Variants in AKAP6 observed in about 807,000 individuals in gnomAD.
AKAP6 encodes A-kinase anchoring protein 6, also known as A-kinase anchor protein 6.
AKAP6 carries 58 observed loss-of-function variants against 188.5 expected under a neutral mutation model. The observed-to-expected ratio is 0.31, with a 90% CI of 0.25 to 0.38. The LOEUF (loss-of-function observed/expected upper bound fraction) is 0.38, where lower values mean the gene tolerates loss of function less well. Among genes scored for constraint, AKAP6 ranks in the 10% least tolerant of loss-of-function variants. AKAP6 has a pLI of 1.00. For missense variants in AKAP6, 2,710 were observed against 2,740.0 expected (o/e 0.99, Z 0.24); for synonymous variants, 989 against 998.6 (o/e 0.99, Z 0.18).
At chr14:32,472,895 A>G (rs924468006) in intron 2 of AKAP6, among the ~76,000 whole-genome samples, 24 of 94,612 alleles carry the variant, frequency 2.5e-4, no homozygotes, top group South Asian at 1.5e-3. Context: ...GTATTAAAGG[A>G]AAAAAAAAGA....
intron 1 of AKAP6, among the ~76,000 whole-genome samples, chr14:32,432,393 C>A (rs890493552): frequency 6.6e-6 from 1 of 152,024 alleles, no homozygotes; most frequent in African/African-American, 2.4e-5. Flanking sequence ...TCTTAAAATG[C>A]CACCTTACTT....
At chr14:32,667,827 T>C (rs1422418916) in intron 7 of AKAP6, among the ~76,000 whole-genome samples, 1 of 152,140 alleles carries the variant, frequency 6.6e-6, no homozygotes, top group Non-Finnish European at 1.5e-5. Flanking sequence ...TGCTTCATTC[T>C]TTTCTCTCTA....
chr14:32,822,166 T>C lies in AKAP6; in HGVS notation c.4353T>C (p.Pro1451=). The C allele has an allele frequency of 1.2e-6, 2 of 1,613,852 alleles. No homozygotes were observed. The highest frequency in any genetic ancestry group is 1.7e-6 in the Non-Finnish European group (2 of 1,179,874). ...GDLNSITKHT[P]DCLGEELQGK... ...TAAACAGTATTACCAAACATACCCCTGACTGTTTGGGAGAAGAATTACAAG... is the reference window on the plus strand; with the variant it reads ...TAAACAGTATTACCAAACATACCCCCGACTGTTTGGGAGAAGAATTACAAG... Residue 1451 remains proline, a synonymous_variant, in exon 13 of 14, where the codon CCT becomes CCC. Coordinates refer to ENST00000280979, the MANE Select transcript of AKAP6 (RefSeq NM_004274.5).
At chr14:32,663,975 A>C (rs186489620) in intron 7 of AKAP6, among the ~76,000 whole-genome samples, 2 of 152,228 alleles carry the variant, frequency 1.3e-5, no homozygotes, top group East Asian at 3.9e-4. Context: ...ACCTTTTTAT[A>C]ATTAGTCTTT....
intron 1 of AKAP6, among the ~76,000 whole-genome samples, chr14:32,369,526 C>CTT (rs1467047228): frequency 1.3e-5 from 2 of 152,318 alleles, no homozygotes; most frequent in African/African-American, 4.8e-5. Context: ...CCTGACACAA[C>CTT]TTATTCACAG....
chr14:32,802,892 G>GT (rs1212196734), intron 12 of AKAP6, among the ~76,000 whole-genome samples: 1 of 152,168 alleles, frequency 6.6e-6, no homozygotes, highest in Non-Finnish European at 1.5e-5. Context: ...GAGGTCAGTA[G>GT]TTCAAGACCA....
At chr14:32,637,456 G>A (rs959108482) in intron 7 of AKAP6, among the ~76,000 whole-genome samples, 1 of 152,048 alleles carries the variant, frequency 6.6e-6, no homozygotes, top group Non-Finnish European at 1.5e-5. Flanking sequence ...AAGGGAAGGA[G>A]GAAAATAATA....
At chr14:32,718,477 A>G (rs575634863) in intron 9 of AKAP6, among the ~76,000 whole-genome samples, 2 of 152,300 alleles carry the variant, frequency 1.3e-5, no homozygotes, top group East Asian at 1.9e-4. Flanking sequence ...TATCGGAACT[A>G]AAAATTAGAC....
intron 1 of AKAP6, among the ~76,000 whole-genome samples, chr14:32,359,869 C>T (rs1459040490): frequency 6.6e-6 from 1 of 152,114 alleles, no homozygotes; most frequent in Non-Finnish European, 1.5e-5. Context: ...AATAGCCATA[C>T]AACATATTAC....
intron 7 of AKAP6, among the ~76,000 whole-genome samples, chr14:32,661,264 A>G (rs1488231518): frequency 6.6e-6 from 1 of 152,052 alleles, no homozygotes; most frequent in Non-Finnish European, 1.5e-5. Context: ...AATCGTGATA[A>G]TTGTATAATA....
intron 7 of AKAP6, among the ~76,000 whole-genome samples, chr14:32,635,276 A>G (rs1887437425): frequency 6.6e-6 from 1 of 152,110 alleles, no homozygotes; most frequent in Non-Finnish European, 1.5e-5. Context: ...TGTGAAGAAC[A>G]GGGAATTACG....
At chr14:32,608,821 AAATAT>A (rs1886235304) in intron 7 of AKAP6, among the ~76,000 whole-genome samples, 1 of 152,234 alleles carries the variant, frequency 6.6e-6, no homozygotes, top group Non-Finnish European at 1.5e-5. Flanking sequence ...GATCAATTTT[AAATAT>A]AATATAGAGT....
At chr14:32,572,450 TG>T (rs1884535369) in intron 4 of AKAP6, among the ~76,000 whole-genome samples, 2 of 152,258 alleles carry the variant, frequency 1.3e-5, no homozygotes, top group African/African-American at 4.8e-5. Flanking sequence ...GGCTGTTCCC[TG>T]GCCCCATATA....
At chr14:32,515,016 A>G (rs1367858459) in intron 2 of AKAP6, among the ~76,000 whole-genome samples, 2 of 152,152 alleles carry the variant, frequency 1.3e-5, no homozygotes, top group East Asian at 3.9e-4. Context: ...GGAGTCCTAG[A>G]ATGTATTAGT....
chr14:32,446,683 G>A (rs541136097), intron 2 of AKAP6, among the ~76,000 whole-genome samples: 6 of 151,080 alleles, frequency 4.0e-5, no homozygotes, highest in Non-Finnish European at 7.4e-5. Flanking sequence ...TGTCTGTTAC[G>A]GGATCAAAAG....
intron 8 of AKAP6, among the ~76,000 whole-genome samples, chr14:32,689,781 T>C (rs1387871659): frequency 1.3e-5 from 2 of 152,148 alleles, no homozygotes; most frequent in Non-Finnish European, 2.9e-5. Flanking sequence ...ATTATTAGTA[T>C]TTTACTTCAG....
At chr14:32,786,296 A>ATGTTTTTTTTTTTTTGTTTT in intron 12 of AKAP6, among the ~76,000 whole-genome samples, 9 of 93,716 alleles carry the variant, frequency 9.6e-5, no homozygotes, top group Admixed American at 2.5e-4. Context: ...CTAAACCTTT[A>ATGTTTTTTTTTTTTTGTTTT]TCTTTTTTTT....
At chr14:32,535,949 A>ATTC in intron 3 of AKAP6, 144 bp downstream of exon 3, 1 of 1,240,796 alleles carries the variant, frequency 8.1e-7, no homozygotes, top group Non-Finnish European at 1.1e-6. Flanking sequence ...TAGTGACTAG[A>ATTC]AGCTAGGGCA....
At chr14:32,687,782 T>G (rs1400830279) in intron 8 of AKAP6, among the ~76,000 whole-genome samples, 2 of 152,124 alleles carry the variant, frequency 1.3e-5, no homozygotes, top group African/African-American at 4.8e-5. Context: ...AAGGTAACAA[T>G]GTAGGCTACA....
Sources: gnomAD v4.1 joint callset for allele counts (sites outside exome capture counted in the v4.1 genomes callset) on GRCh38, gnomAD v4.1.1 for gene constraint, MANE v1.5 for transcripts, NCBI Gene and HGNC (gene_info 2026-07-23, HGNC 2026-07-21) for gene names.